Variants in CNNM1 observed in about 807,000 individuals in gnomAD.
CNNM1 encodes cyclin and CBS domain divalent metal cation transport mediator 1.
In CNNM1, 44 loss-of-function variants were observed where a neutral mutation model predicts 78.8. The ratio of observed to expected loss-of-function variants is 0.56; its 90% confidence interval spans 0.44 to 0.72. The LOEUF (loss-of-function observed/expected upper bound fraction) is 0.72, where lower values mean the gene tolerates loss of function less well. Among genes scored for constraint, CNNM1 ranks in the 30% least tolerant of loss-of-function variants. The pLI is 0.00. For missense variants in CNNM1, 1,101 were observed against 1,292.2 expected (o/e 0.85, Z 2.27); for synonymous variants, 584 against 581.5 (o/e 1.00, Z -0.06).
At chr10:99,388,056 C>T in intron 8 of CNNM1, 53 bp downstream of exon 8, 2 of 1,578,964 alleles carry the variant, frequency 1.3e-6, no homozygotes, top group Non-Finnish European at 1.7e-6. Flanking sequence ...TGAGGATGAC[C>T]CTGCCTTCCT....
At chr10:99,387,733 C>T (rs770010301) in intron 7 of CNNM1, 87 bp from the exon 8 acceptor site, 45 of 1,364,400 alleles carry the variant, frequency 3.3e-5, no homozygotes, top group African/African-American at 1.3e-4. Flanking sequence ...AGCACCCCAG[C>T]GAGGCTGCCC....
At chr10:99,371,789 T>C (rs2134062738) in intron 6 of CNNM1, among the ~76,000 whole-genome samples, 1 of 152,244 alleles carries the variant, frequency 6.6e-6, no homozygotes, top group African/African-American at 2.4e-5. Context: ...TGATGCTAAA[T>C]ATTGCCCCAG....
At chr10:99,346,579 A>G (rs1466414014) in intron 1 of CNNM1, among the ~76,000 whole-genome samples, 2 of 152,142 alleles carry the variant, frequency 1.3e-5, no homozygotes, top group Non-Finnish European at 1.5e-5. Context: ...TCCCAAACTT[A>G]TCAACATGAA....
At chr10:99,356,609 G>GAAAGAAAGAAAAGA (rs1564947493) in intron 1 of CNNM1, among the ~76,000 whole-genome samples, 12 of 132,610 alleles carry the variant, frequency 9.0e-5, no homozygotes, top group African/African-American at 3.6e-4. Context: ...AGAAAGAAAA[G>GAAAGAAAGAAAAGA]AAAGAAAGAA....
rs74419794 is a variant in CNNM1 at position 99,330,053 on chromosome 10, G to A, written c.666G>A (p.Ala222=). The A allele has an allele frequency of 2.7e-3, 4,102 of 1,512,102 alleles. 75 individuals carry two copies. The Admixed American group carries it at 0.041, about 15-fold the overall frequency. 93.7% of individuals were successfully genotyped at this position (1,512,102 alleles called of 1,614,324 possible). A position where few individuals can be genotyped will look rare whatever the true frequency, so the allele number is the denominator to read the frequency against. ...CAGGCGGGGACCTGCTGCCCCCTGC[G>A]TGGCTGCGGGCGCTCGGGGCGCTCC... ...YGPGGDLLPP[A]WLRALGALLL... The change falls in exon 1 of 11, where the codon GCG becomes GCA. Residue 222 remains alanine (A), a synonymous_variant. Transcript: ENST00000356713.
chr10:99,331,000 T>C (rs953017200), intron 1 of CNNM1, 40 bp downstream of exon 1: 2 of 1,553,214 alleles, frequency 1.3e-6, no homozygotes, highest in African/African-American at 2.7e-5. Context: ...TCCTATCCCC[T>C]TCAAAGGTAT....
At chr10:99,365,728 T>A (rs1010320241) in intron 6 of CNNM1, among the ~76,000 whole-genome samples, 1 of 152,230 alleles carries the variant, frequency 6.6e-6, no homozygotes, top group African/African-American at 2.4e-5. Context: ...CAGTTCTGAA[T>A]TTTGCATTGC....
chr10:99,390,249 C>G (rs2032433704), intron 9 of CNNM1, 57 bp from the exon 10 acceptor site: 4 of 1,260,244 alleles, frequency 3.2e-6, no homozygotes, highest in Non-Finnish European at 3.4e-6. Flanking sequence ...ATCACCCTCT[C>G]TTGATGCCTG....
chr10:99,390,239 A>C, intron 9 of CNNM1, 67 bp from the exon 10 acceptor site: 1 of 1,154,718 alleles, frequency 8.7e-7, no homozygotes, highest in Non-Finnish European at 1.3e-6. Flanking sequence ...ATCACTCAGA[A>C]TCACCCTCTC....
intron 1 of CNNM1, among the ~76,000 whole-genome samples, chr10:99,354,588 C>A (rs140328851): frequency 2.0e-5 from 3 of 152,094 alleles, no homozygotes; most frequent in Non-Finnish European, 4.4e-5. Flanking sequence ...TTGCTAGTTA[C>A]AAGAAGTAGC....
At chr10:99,387,784 C>T in intron 7 of CNNM1, 36 bp from the exon 8 acceptor site, 2 of 1,542,788 alleles carry the variant, frequency 1.3e-6, no homozygotes, top group African/African-American at 1.4e-5. Context: ...TGGTCTCTGC[C>T]TAGCTGCTCC....
In CNNM1 at chr10:99,330,419, C is replaced by T. The variant is rs1850586691; in HGVS notation, c.1032C>T (p.Tyr344=). 1.9e-6 allele frequency: 3 copies of T among 1,594,210 alleles called. No individual in the cohort carries two copies. Among genetic ancestry groups the T allele is most frequent in the Non-Finnish European group, 2.6e-6 (3 of 1,171,422 alleles). ...TCCTGGGCGCCGAAATCTGCCCCTA[C>T]TCAGTGTGTTCGCGGCACGGGCTGG... ...AVFLGAEICP[Y]SVCSRHGLAI... Residue 344 remains tyrosine, a synonymous_variant, in exon 1 of 11, where the codon TAC becomes TAT. Transcript: ENST00000356713.
At chr10:99,371,295 G>A (rs2031794446) in intron 6 of CNNM1, among the ~76,000 whole-genome samples, 1 of 152,190 alleles carries the variant, frequency 6.6e-6, no homozygotes, top group African/African-American at 2.4e-5. Context: ...TTGTGGTGTG[G>A]TTAACCAACT....
rs1320636081 is a variant in CNNM1, at chr10:99,329,583, G to A, written c.196G>A (p.Glu66Lys). 1 of 1,524,076 alleles carries A rather than the reference G, an allele frequency of 6.6e-7. No homozygotes were observed. The highest frequency in any genetic ancestry group is 8.7e-7 in the Non-Finnish European group (1 of 1,146,226). 94.4% of individuals were successfully genotyped at this position (1,524,076 alleles called of 1,614,324 possible). ...SLEGGTLRAAEGTSFLLRVYF... is the reference protein window; with the variant it reads ...SLEGGTLRAAKGTSFLLRVYF... ...GGAGGGGGGCACCCTGCGCGCCGCC[G>A]AAGGCACCAGCTTCCTCCTGCGTGT... The change falls in exon 1 of 11, where the codon GAA (glutamate) becomes AAA (lysine). Residue 66 changes from glutamate (E) to lysine (K), a missense_variant. Glu to Lys is a moderately conservative substitution (Grantham distance 56, BLOSUM62 1). Around this residue, in one of 3 missense-constraint regions of CNNM1, gnomAD observed 476 missense variants for 484.5 expected, o/e 0.98. Coordinates refer to ENST00000356713, the MANE Select transcript of CNNM1 (RefSeq NM_020348.3).
At chr10:99,390,200 G>C (rs75170278) in intron 9 of CNNM1, 106 bp from the exon 10 acceptor site, 2 of 794,928 alleles carry the variant, frequency 2.5e-6, no homozygotes, top group East Asian at 5.5e-5. Context: ...CTTGGCTCAC[G>C]TCTTAAACTT....
intron 1 of CNNM1, among the ~76,000 whole-genome samples, chr10:99,350,169 C>A (rs796442989): frequency 7.9e-5 from 12 of 152,188 alleles, no homozygotes; most frequent in African/African-American, 2.9e-4. Context: ...ACCAAGTGAC[C>A]AAGACCAAGG....
intron 9 of CNNM1, 97 bp downstream of exon 9, chr10:99,388,398 C>A: frequency 7.0e-7 from 1 of 1,422,470 alleles, no homozygotes; most frequent in Non-Finnish European, 9.4e-7. Flanking sequence ...AGCCCTGGGA[C>A]CGCAGCCCGT....
At position 99,390,342 on chromosome 10, in the gene CNNM1, C is replaced by T; in HGVS notation, c.2711C>T (p.Thr904Ile). 2.5e-6 allele frequency: 4 copies of T among 1,613,286 alleles called. No individual in the cohort carries two copies. The highest frequency in any genetic ancestry group is 3.4e-6 in the Non-Finnish European group (4 of 1,179,620). The change falls in exon 10 of 11, where the codon ACA becomes ATA. Residue 904 changes from threonine to isoleucine, a missense_variant. Transcript: ENST00000356713. The stretch of plus-strand genomic sequence containing the variant: ...GAATGTTGTAACATCAACCTGGATA[C>T]AGAGACCAGCCCCTGCAGTAGCGAT... ...DSECCNINLD[T>I]ETSPCSSDFE...
Position 99,356,965 on chromosome 10 carries a change from C to A in CNNM1, c.1574-547C>A, listed in dbSNP as rs73328328. Reference sequence around the variant, plus strand: ...TCTTTTGGTTGAAGTAGTCACAAGCCCCCCCAGATTCAAGGGGAGGGGCTG... The same window carrying A: ...TCTTTTGGTTGAAGTAGTCACAAGCACCCCCAGATTCAAGGGGAGGGGCTG... On this transcript the variant is annotated intron_variant, in intron 1 of 10. Transcript: ENST00000356713. Among the ~76,000 whole-genome samples, 470 of 152,208 alleles carry A rather than the reference C, an allele frequency of 3.1e-3. 5 individuals carry two copies. Among genetic ancestry groups the A allele is most frequent in the African/African-American group, 0.01 (436 of 41,534 alleles).
Sources: allele counts gnomAD v4.1 joint callset (sites outside exome capture counted in the v4.1 genomes callset), GRCh38; gene constraint gnomAD v4.1.1; regional missense constraint gnomAD v4.1.1; transcripts MANE v1.5; gene names NCBI Gene and HGNC (gene_info 2026-07-23, HGNC 2026-07-21).